The following SLIT2 variants were observed in gnomAD, a reference collection of about 807,000 sequenced individuals.
SLIT2 encodes slit homolog 2 protein.
In SLIT2, 41 loss-of-function variants were observed where a neutral mutation model predicts 185.7. The observed-to-expected ratio is 0.22, with a 90% CI of 0.17 to 0.29. SLIT2 has a LOEUF of 0.29. SLIT2 is among the 10% of genes least tolerant of loss of function. SLIT2 has a pLI of 1.00. For synonymous variants in SLIT2, 693 were observed against 680.2 expected (o/e 1.02, Z -0.29); for missense variants, 1,571 against 1,909.0 (o/e 0.82, Z 3.30).
At chr4:20,290,224 A>G (rs987452846) in intron 4 of SLIT2, among the ~76,000 whole-genome samples, 2 of 152,196 alleles carry the variant, frequency 1.3e-5, no homozygotes, top group Non-Finnish European at 2.9e-5. Context: ...CAGCATCAGG[A>G]TTCTTTCCTC....
At chr4:20,291,482 ATATATATATATTTTTTTTTT>A (rs1312457074) in intron 4 of SLIT2, among the ~76,000 whole-genome samples, 12 of 12,636 alleles carry the variant, frequency 9.5e-4, no homozygotes, top group African/African-American at 3.7e-3. Context: ...ATATATATAT[ATATATATATATTTTTTTTTT>A]TTTTTTTTTT....
intron 11 of SLIT2, among the ~76,000 whole-genome samples, chr4:20,513,920 A>G (rs79128300): frequency 6.6e-6 from 1 of 152,212 alleles, no homozygotes; most frequent in African/African-American, 2.4e-5. Flanking sequence ...AGCAAAAAAT[A>G]TCACTGCTAC....
At chr4:20,517,465 A>C (rs1396854060) in intron 11 of SLIT2, among the ~76,000 whole-genome samples, 4 of 147,532 alleles carry the variant, frequency 2.7e-5, no homozygotes, top group African/African-American at 1.1e-4. Flanking sequence ...TGACCTCAAA[A>C]TATATATTTA....
At chr4:20,445,096 A>G (rs1333851066) in intron 4 of SLIT2, among the ~76,000 whole-genome samples, 6 of 152,194 alleles carry the variant, frequency 3.9e-5, no homozygotes, top group African/African-American at 9.7e-5. Flanking sequence ...CCTGCTAACA[A>G]TCATGTCAGT....
Position 20,488,835 on chromosome 4 carries a change from A to C in SLIT2, c.628A>C (p.Asn210His). Reference sequence around the variant, plus strand: ...CTCATTTAGTCGACTGCATTCAAACAACCTGTATTGTGACTGCCACCTGGC... The same window carrying C: ...CTCATTTAGTCGACTGCATTCAAACCACCTGTATTGTGACTGCCACCTGGC... ...KLRTFRLHSNNLYCDCHLAWL... is the reference protein window; with the variant it reads ...KLRTFRLHSNHLYCDCHLAWL... Residue 210 changes from asparagine to histidine, a missense_variant, in exon 8 of 37, where the codon AAC becomes CAC. Physicochemically the swap from Asn to His is moderately conservative, Grantham distance 68. Around this residue, in one of 3 missense-constraint regions of SLIT2, gnomAD observed 1,202 missense variants for 1,416.4 expected, o/e 0.85. Transcript: ENST00000504154. The C allele has an allele frequency of 1.3e-6, 2 of 1,592,274 alleles. No homozygotes were observed. Among genetic ancestry groups the C allele is most frequent in the South Asian group, 2.3e-5 (2 of 87,928 alleles).
At chr4:20,268,946 G>T in intron 4 of SLIT2, 65 bp downstream of exon 4, 1 of 979,972 alleles carries the variant, frequency 1.0e-6, no homozygotes, top group South Asian at 1.3e-5. Context: ...AATGTATTTT[G>T]GATCTGTTTG....
At chr4:20,575,089 C>A (rs1007714574) in intron 29 of SLIT2, among the ~76,000 whole-genome samples, 1 of 152,080 alleles carries the variant, frequency 6.6e-6, no homozygotes, top group African/African-American at 2.4e-5. Flanking sequence ...AGGTCTGAGT[C>A]TATCTCAGAA....
chr4:20,553,134 A>G (rs1358348228), intron 25 of SLIT2, among the ~76,000 whole-genome samples: 2 of 152,144 alleles, frequency 1.3e-5, no homozygotes, highest in African/African-American at 4.8e-5. Context: ...CTAGCTCTAG[A>G]CATCTTCAGT....
Position 20,619,412 on chromosome 4 carries a change from A to T in SLIT2, c.*403A>T, listed in dbSNP as rs1729926074. The T allele has an allele frequency of 6.5e-6, 1 of 154,910 alleles. No individual in the cohort carries two copies. The highest frequency in any genetic ancestry group is 6.4e-5 in the Admixed American group (1 of 15,544). 9.6% of individuals were successfully genotyped at this position (154,910 alleles called of 1,614,324 possible). A position where few individuals can be genotyped will look rare whatever the true frequency, so the allele number is the denominator to read the frequency against. On this transcript the variant is annotated 3_prime_UTR_variant, in exon 37 of 37. Coordinates refer to ENST00000504154, the MANE Select transcript of SLIT2 (RefSeq NM_004787.4). ...TCACATCAACCAAGTTCACTAGGAC[A>T]TACCAAGCACATGCGTGTGAATGAG...
Position 20,617,004 on chromosome 4 carries a change from C to T in SLIT2, c.3942C>T (p.Asn1314=), listed in dbSNP as rs1411246372. The T allele has an allele frequency of 6.2e-7, 1 of 1,614,144 alleles. No homozygotes were observed. The highest frequency in any genetic ancestry group is 1.7e-5 in the Admixed American group (1 of 60,036). ...GCTGCATCCGGAACCTTTACATCAA[C>T]AGTGAGCTGCAGGACTTCCAGAAGG... ...FHGCIRNLYI[N]SELQDFQKVP... Residue 1314 remains asparagine, a synonymous_variant, in exon 35 of 37, where the codon AAC becomes AAT. Transcript: ENST00000504154.
Position 20,253,564 on chromosome 4 carries a change from C to A in SLIT2, c.-252C>A, listed in dbSNP as rs1038641155. 5.4e-6 allele frequency: 3 copies of A among 557,466 alleles called. No homozygotes were observed. The highest frequency in any genetic ancestry group is 9.6e-6 in the Non-Finnish European group (3 of 311,898). 34.5% of individuals were successfully genotyped at this position (557,466 alleles called of 1,614,324 possible). On this transcript the variant is annotated 5_prime_UTR_variant, in exon 1 of 37. Coordinates refer to ENST00000504154, the MANE Select transcript of SLIT2 (RefSeq NM_004787.4). ...GGGTCTCCTTGCAGCCCTGGCCAGG[C>A]GGATTCATCCTCAGGACCTAAAGTT...
chr4:20,400,440 A>T (rs1044329315), intron 4 of SLIT2, among the ~76,000 whole-genome samples: 1 of 151,768 alleles, frequency 6.6e-6, no homozygotes, highest in Non-Finnish European at 1.5e-5. Context: ...TGAGTATACT[A>T]TGTTTTCAAG....
chr4:20,409,929 G>C (rs1244916731), intron 4 of SLIT2, among the ~76,000 whole-genome samples: 1 of 151,906 alleles, frequency 6.6e-6, no homozygotes, highest in Non-Finnish European at 1.5e-5. Context: ...TTTTACTCTT[G>C]TAAGTTTTTT....
At chr4:20,466,466 C>T (rs994192319) in intron 4 of SLIT2, among the ~76,000 whole-genome samples, 1 of 152,162 alleles carries the variant, frequency 6.6e-6, no homozygotes, top group Admixed American at 6.5e-5. Flanking sequence ...CAGACCTTTA[C>T]TGTTTAAATA....
At chr4:20,580,414 T>C (rs1442820152) in intron 29 of SLIT2, among the ~76,000 whole-genome samples, 2 of 104,590 alleles carry the variant, frequency 1.9e-5, no homozygotes, top group Non-Finnish European at 4.8e-5. Context: ...ATTATACGTG[T>C]GTGTGTGTGT....
chr4:20,405,762 T>A (rs1726726984), intron 4 of SLIT2, among the ~76,000 whole-genome samples: 1 of 151,988 alleles, frequency 6.6e-6, no homozygotes, highest in Admixed American at 6.6e-5. Context: ...TCCATTTGGG[T>A]TCTTTCTTTT....
At chr4:20,538,634 CAT>C (rs1467839950) in intron 18 of SLIT2, among the ~76,000 whole-genome samples, 2 of 152,042 alleles carry the variant, frequency 1.3e-5, no homozygotes, top group Non-Finnish European at 2.9e-5. Flanking sequence ...TTCATATACT[CAT>C]AACTATTTTC....
Position 20,484,620 on chromosome 4 carries a change from C to T in SLIT2, c.540-1580C>T, listed in dbSNP as rs1250184077. On this transcript the variant is annotated intron_variant, in intron 6 of 36. Transcript: ENST00000504154. This position sits in a 1 kb window ranked among gnomAD's most constrained non-coding sequence, Gnocchi z 4.3. Reference sequence around the variant, plus strand: ...TGACCTCTGAACGCACCATCAATAACCGCAGCCACCAACTGGCCCAGAGTG... The same window carrying T: ...TGACCTCTGAACGCACCATCAATAATCGCAGCCACCAACTGGCCCAGAGTG... 2.0e-5 allele frequency among the ~76,000 whole-genome samples: 3 copies of T among 152,154 alleles called. No homozygotes were observed. Among genetic ancestry groups the T allele is most frequent in the African/African-American group, 7.2e-5 (3 of 41,436 alleles).
intron 26 of SLIT2, among the ~76,000 whole-genome samples, chr4:20,561,857 C>T (rs1040375989): frequency 2.0e-5 from 3 of 151,702 alleles, no homozygotes; most frequent in Non-Finnish European, 2.9e-5. Context: ...CTGGGAAAAA[C>T]TTAACAGATA....
Sources: allele counts gnomAD v4.1 joint callset (sites outside exome capture counted in the v4.1 genomes callset), GRCh38; gene constraint gnomAD v4.1.1; regional missense constraint gnomAD v4.1.1; non-coding constraint Gnocchi (gnomAD v3.1); transcripts MANE v1.5; gene names NCBI Gene and HGNC (gene_info 2026-07-23, HGNC 2026-07-21).